TCF4: variants seen among roughly 807,000 people sequenced by gnomAD.
The protein encoded by TCF4 is SL3-3 enhancer factor 2.
TCF4 carries 3 observed loss-of-function variants against 82.1 expected under a neutral mutation model. The observed-to-expected ratio is 0.04, with a 90% CI of 0.02 to 0.09. The LOEUF is 0.09. Ranked by LOEUF, TCF4 falls within the 10% of genes least tolerant of loss-of-function variation. TCF4 has a pLI of 1.00. For missense variants in TCF4, 518 were observed against 852.7 expected, an observed-to-expected ratio of 0.61 and a Z score of 4.89; for synonymous variants, 276 against 309.6, an observed-to-expected ratio of 0.89 and a Z score of 1.14.
chr18:55,379,642 A>G (rs1284562671), intron 6 of TCF4, among the ~76,000 whole-genome samples: 2 of 152,202 alleles, frequency 1.3e-5, no homozygotes, highest in East Asian at 3.8e-4. Flanking sequence ...TTGGTGGAAT[A>G]GTTAATTCAG....
intron 5 of TCF4, among the ~76,000 whole-genome samples, chr18:55,449,976 A>G (rs1328640102): frequency 3.3e-5 from 5 of 152,150 alleles, no homozygotes; most frequent in African/African-American, 9.7e-5. Context: ...AACAGACTAG[A>G]TAACATAATA....
At chr18:55,516,211 A>G (rs2096880113) in intron 3 of TCF4, among the ~76,000 whole-genome samples, 1 of 152,142 alleles carries the variant, frequency 6.6e-6, no homozygotes. Flanking sequence ...GTTACCTTGA[A>G]CAAGTCATTT....
chr18:55,424,458 A>C (rs925110142), intron 5 of TCF4, among the ~76,000 whole-genome samples: 1 of 152,238 alleles, frequency 6.6e-6, no homozygotes, highest in Non-Finnish European at 1.5e-5. Context: ...AAAGTTAGGG[A>C]CAGGCTCCCT....
At chr18:55,313,886 A>G (rs1291389522) in intron 8 of TCF4, among the ~76,000 whole-genome samples, 1 of 152,168 alleles carries the variant, frequency 6.6e-6, no homozygotes, top group Non-Finnish European at 1.5e-5. Context: ...ATAAAAATTT[A>G]AAGTATTTTC....
At chr18:55,321,519 C>A in intron 8 of TCF4, 1 of 1,170,016 alleles carries the variant, frequency 8.5e-7, no homozygotes, top group Non-Finnish European at 1.2e-6. Flanking sequence ...AGAAGAAGAT[C>A]TTAGGATTGG....
chr18:55,264,168 C>G (rs1010871356), intron 11 of TCF4, among the ~76,000 whole-genome samples: 10 of 152,168 alleles, frequency 6.6e-5, no homozygotes, highest in African/African-American at 2.4e-4. Flanking sequence ...ACTAAACATT[C>G]TATCAGTGCC....
intron 5 of TCF4, chr18:55,422,396 G>T (rs2094804659): frequency 1.0e-6 from 1 of 984,562 alleles, no homozygotes; most frequent in African/African-American, 1.8e-5. Context: ...AGGAAAGAAG[G>T]GAAAAGGTGG....
At chr18:55,527,966 A>C (rs969500371) in intron 3 of TCF4, among the ~76,000 whole-genome samples, 1 of 152,224 alleles carries the variant, frequency 6.6e-6, no homozygotes, top group Non-Finnish European at 1.5e-5. Context: ...GAGAAAAAGA[A>C]GCCAGAGCTA....
intron 3 of TCF4, among the ~76,000 whole-genome samples, chr18:55,464,572 T>C (rs1004406690): frequency 2.0e-5 from 3 of 152,236 alleles, no homozygotes; most frequent in African/African-American, 7.2e-5. Flanking sequence ...TTTTGTTCCA[T>C]AGCCCAGGCT....
At chr18:55,582,640 T>C (rs1315330169) in intron 3 of TCF4, among the ~76,000 whole-genome samples, 1 of 152,172 alleles carries the variant, frequency 6.6e-6, no homozygotes, top group Non-Finnish European at 1.5e-5. Context: ...GGCCACACTT[T>C]ATTTTTATTC....
At chr18:55,396,167 T>C (rs546540682) in intron 6 of TCF4, among the ~76,000 whole-genome samples, 1 of 152,248 alleles carries the variant, frequency 6.6e-6, no homozygotes, top group South Asian at 2.1e-4. Flanking sequence ...TGGGCTTAAG[T>C]AGCAGGGAAC....
chr18:55,346,591 C>T (rs2081234562), intron 8 of TCF4, among the ~76,000 whole-genome samples: 1 of 152,078 alleles, frequency 6.6e-6, no homozygotes, highest in African/African-American at 2.4e-5. Context: ...ATCTGATGTT[C>T]AAGAGATTCC....
rs531111900 is a variant in TCF4 at position 55,224,103 on chromosome 18, A to G, written c.*3932T>C. 6.6e-6 allele frequency: 1 copy of G among 151,412 alleles called. No individual in the cohort carries two copies. The highest frequency in any genetic ancestry group is 1.9e-4 in the East Asian group (1 of 5,168). The allele number at this position is 151,412 out of a possible 1,614,324, so 9.4% of individuals were successfully genotyped here. A position where few individuals can be genotyped will look rare whatever the true frequency, so the allele number is the denominator to read the frequency against. On this transcript the variant is annotated 3_prime_UTR_variant, in exon 20 of 20. Coordinates refer to ENST00000354452, the MANE Select transcript of TCF4 (RefSeq NM_001083962.2). ...ACTACAGTCTATTTTATAGCAAAAG[A>G]GCACTAGACAAACAAAGCTTTATAA...
chr18:55,613,830 G>A (rs2097709396), intron 2 of TCF4, among the ~76,000 whole-genome samples: 1 of 152,176 alleles, frequency 6.6e-6, no homozygotes. Context: ...TTTGGGTCGG[G>A]ATACAGCGTC....
intron 2 of TCF4, among the ~76,000 whole-genome samples, chr18:55,620,632 C>T (rs1804983889): frequency 1.3e-5 from 2 of 152,198 alleles, no homozygotes. Context: ...CTACTGAGTT[C>T]TGCTTAGGTT....
At chr18:55,595,137 C>T (rs1471022997) in intron 2 of TCF4, among the ~76,000 whole-genome samples, 1 of 152,236 alleles carries the variant, frequency 6.6e-6, no homozygotes. Context: ...GGAGCCTTCT[C>T]TGAGGCTGCC....
At chr18:55,507,988 C>T (rs948049418) in intron 3 of TCF4, among the ~76,000 whole-genome samples, 28 of 152,214 alleles carry the variant, frequency 1.8e-4, no homozygotes, top group African/African-American at 6.7e-4. Context: ...AATGTGTTGC[C>T]TATAAAGTCT....
At chr18:55,577,158 G>T (rs572660474) in intron 3 of TCF4, among the ~76,000 whole-genome samples, 38 of 137,418 alleles carry the variant, frequency 2.8e-4, no homozygotes, top group Middle Eastern at 3.9e-3. Flanking sequence ...ATTTATATAT[G>T]TATATATACA....
intron 14 of TCF4, among the ~76,000 whole-genome samples, chr18:55,255,159 T>C (rs1392931018): frequency 6.6e-6 from 1 of 152,182 alleles, no homozygotes; most frequent in African/African-American, 2.4e-5. Flanking sequence ...CTGTGGTATA[T>C]GACCCAGTGC....
Sources: allele counts gnomAD v4.1 joint callset (sites outside exome capture counted in the v4.1 genomes callset), GRCh38; gene constraint gnomAD v4.1.1; transcripts MANE v1.5; gene names NCBI Gene and HGNC (gene_info 2026-07-23, HGNC 2026-07-21).